NAXD: variants seen among roughly 807,000 people sequenced by gnomAD.
NAXD encodes the protein ATP-dependent (S)-NAD(P)H-hydrate dehydratase.
In NAXD, 22 loss-of-function variants were observed where a neutral mutation model predicts 35.8. The ratio of observed to expected loss-of-function variants is 0.62; its 90% CI spans 0.44 to 0.88. The LOEUF (loss-of-function observed/expected upper bound fraction) is 0.88, where lower values mean the gene tolerates loss of function less well. NAXD is among the 40% of genes least tolerant of loss of function. The pLI, the probability that NAXD is intolerant of heterozygous loss-of-function variation, is 0.00. For synonymous variants in NAXD, 189 were observed against 177.6 expected (o/e 1.06, Z -0.51); for missense variants, 428 against 437.7 (o/e 0.98, Z 0.20).
At chr13:110,622,602 A>C (rs1886311449) in intron 2 of NAXD, among the ~76,000 whole-genome samples, 1 of 152,158 alleles carries the variant, frequency 6.6e-6, no homozygotes, top group South Asian at 2.1e-4. Flanking sequence ...CGTAGTGGGG[A>C]AATGAGCCTG....
chr13:110,626,564 G>A (rs1179387116), intron 4 of NAXD, among the ~76,000 whole-genome samples: 7 of 135,938 alleles, frequency 5.1e-5, no homozygotes, highest in Admixed American at 4.6e-4. Flanking sequence ...GGGGGCTGGG[G>A]TTGGGGGCAG....
At chr13:110,618,799 T>A (rs330544) in intron 1 of NAXD, among the ~76,000 whole-genome samples, 35,949 of 152,176 alleles carry the variant, frequency 0.24, 5,522 homozygotes, top group African/African-American at 0.44. Flanking sequence ...AAGCGTATCC[T>A]TGCCTGGACT....
chr13:110,624,872 C>T (rs1245091146), intron 3 of NAXD, among the ~76,000 whole-genome samples: 1 of 152,252 alleles, frequency 6.6e-6, no homozygotes, highest in East Asian at 1.9e-4. Flanking sequence ...CCTGCAGTTT[C>T]CCATGAGCTG....
rs539957839 is a variant in NAXD at position 110,638,408 on chromosome 13, C to T, written c.870C>T (p.Gly290=). Residue 290 remains glycine (G), a synonymous_variant, in exon 10 of 10, where the codon GGC becomes GGT. Coordinates refer to ENST00000680254, the MANE Select transcript of NAXD (RefSeq NM_001242882.2). The surrounding 1 kb of genome is among the most constrained non-coding windows in gnomAD (Gnocchi z 5.4). ...GCCCTCTCCTGGTGGCCGCGTTTGGCGCCTGCTCTCTCACCAGGCAGTGCA... is the reference window on the plus strand; with the variant it reads ...GCCCTCTCCTGGTGGCCGCGTTTGGTGCCTGCTCTCTCACCAGGCAGTGCA... ...GSSPLLVAAF[G]ACSLTRQCNH... is the part of the protein sequence containing the mutation. 1.5e-5 allele frequency: 25 copies of T among 1,613,704 alleles called. No individual in the cohort carries two copies. The highest frequency in any genetic ancestry group is 3.3e-4 in the Middle Eastern group (2 of 6,062).
intron 8 of NAXD, 134 bp from the exon 9 acceptor site, chr13:110,636,994 AG>A: frequency 1.0e-6 from 1 of 965,368 alleles, no homozygotes; most frequent in Non-Finnish European, 1.5e-6. Context: ...CGTAGCAGGC[AG>A]GATGTGAGTG....
At chr13:110,637,107 C>T in intron 8 of NAXD, 22 bp from the exon 9 acceptor site, 1 of 1,591,002 alleles carries the variant, frequency 6.3e-7, no homozygotes, top group Non-Finnish European at 8.5e-7. Flanking sequence ...CTGACACCTG[C>T]TCTCACTTCT....
chr13:110,622,014 A>G (rs755744429), intron 1 of NAXD, among the ~76,000 whole-genome samples: 1 of 151,890 alleles, frequency 6.6e-6, no homozygotes, highest in Non-Finnish European at 1.5e-5. Flanking sequence ...TGGGTGACAG[A>G]GTCAGAGTTC....
chr13:110,621,329 T>A (rs2139630362), intron 1 of NAXD, among the ~76,000 whole-genome samples: 1 of 152,380 alleles, frequency 6.6e-6, no homozygotes, highest in Non-Finnish European at 1.5e-5. Context: ...ATTTTTTTAC[T>A]TGATAAAACT....
intron 1 of NAXD, 150 bp downstream of exon 1, chr13:110,615,797 T>G (rs1285262023): frequency 3.0e-6 from 4 of 1,313,742 alleles, no homozygotes; most frequent in Non-Finnish European, 2.9e-6. Flanking sequence ...TGACCGCCTC[T>G]GCTGGCTCGC....
chr13:110,638,230 C>T lies in NAXD; in HGVS notation c.840-148C>T. ...GGTGGTTTTCGCTGTGATAAACCTG[C>T]TTTCTCCTCAGGGGCATATCAGACT... On this transcript the variant is annotated intron_variant, in intron 9 of 9. Coordinates refer to ENST00000680254, the MANE Select transcript of NAXD (RefSeq NM_001242882.2). The surrounding 1 kb of genome is among the most constrained non-coding windows in gnomAD (Gnocchi z 5.4). 6.5e-7 allele frequency: 1 copy of T among 1,541,098 alleles called. No homozygotes were observed. The highest frequency in any genetic ancestry group is 8.7e-7 in the Non-Finnish European group (1 of 1,144,910).
chr13:110,619,513 C>T (rs1245311964), intron 1 of NAXD, among the ~76,000 whole-genome samples: 1 of 152,124 alleles, frequency 6.6e-6, no homozygotes, highest in Non-Finnish European at 1.5e-5. Context: ...TCTGTGATTT[C>T]ATAAGTCACA....
At chr13:110,618,295 G>C (rs1886133220) in intron 1 of NAXD, among the ~76,000 whole-genome samples, 1 of 152,114 alleles carries the variant, frequency 6.6e-6, no homozygotes, top group Non-Finnish European at 1.5e-5. Context: ...AGGGTTCTTA[G>C]ACCCAGCCCT....
In NAXD at chr13:110,615,634, G is replaced by C. The variant is rs1886016712; in HGVS notation, c.33G>C (p.Arg11=). 6.7e-7 allele frequency: 1 copy of C among 1,489,258 alleles called. No homozygotes were observed. Among genetic ancestry groups the C allele is most frequent in the South Asian group, 1.3e-5 (1 of 79,918 alleles). 92.3% of individuals were successfully genotyped at this position (1,489,258 alleles called of 1,614,324 possible). Residue 11 remains arginine (R), a synonymous_variant, in exon 1 of 10, where the codon CGG becomes CGC. Transcript: ENST00000680254. The stretch of plus-strand genomic sequence containing the variant: ...TGGGTCCTCGCTGTGGGGCAATCCG[G>C]GCTTGCAGACGAGGTAAGGTCGATT... MALGPRCGAI[R]ACRRVLERAF... is the part of the protein sequence containing the mutation.
rs1887011381 is a variant in NAXD, at chr13:110,638,250, C to T, written c.840-128C>T. ...ACCTGCTTTCTCCTCAGGGGCATAT[C>T]AGACTTGAAATTGACAATTTGGGGT... On this transcript the variant is annotated intron_variant, in intron 9 of 9. Coordinates refer to ENST00000680254, the MANE Select transcript of NAXD (RefSeq NM_001242882.2). This position sits in a 1 kb window ranked among gnomAD's most constrained non-coding sequence, Gnocchi z 5.4. 3 of 1,569,606 alleles carry T rather than the reference C, an allele frequency of 1.9e-6. No homozygotes were observed. The highest frequency in any genetic ancestry group is 2.6e-6 in the Non-Finnish European group (3 of 1,158,580).
At chr13:110,636,772 C>T (rs1287245552) in intron 8 of NAXD, among the ~76,000 whole-genome samples, 3 of 152,202 alleles carry the variant, frequency 2.0e-5, no homozygotes, top group Non-Finnish European at 4.4e-5. Context: ...GGGCTCCGTC[C>T]CTGGGAGCTG....
At chr13:110,632,354 A>C (rs1206852241) in intron 5 of NAXD, among the ~76,000 whole-genome samples, 1 of 152,214 alleles carries the variant, frequency 6.6e-6, no homozygotes, top group Non-Finnish European at 1.5e-5. Flanking sequence ...GAGCAGTAGC[A>C]AGATTTATTG....
chr13:110,618,348 C>A (rs1312479500), intron 1 of NAXD, among the ~76,000 whole-genome samples: 2 of 152,108 alleles, frequency 1.3e-5, no homozygotes, highest in Non-Finnish European at 2.9e-5. Context: ...CTCACAAAGT[C>A]TTAAGATTTC....
Position 110,637,228 on chromosome 13 carries a change from C to T in NAXD, c.818C>T (p.Ala273Val), listed in dbSNP as rs909906346. The T allele has an allele frequency of 1.2e-6, 2 of 1,614,074 alleles. No homozygotes were observed. The highest frequency in any genetic ancestry group is 2.2e-5 in the East Asian group (1 of 44,894). ...LGVLVHWALLAGPQKTNGSSP... is the reference protein window; with the variant it reads ...LGVLVHWALLVGPQKTNGSSP... ...GTCCTGGTACACTGGGCGCTCCTTGCTGGACCACAGAAAACAAATGGGTAA... is the reference window on the plus strand; with the variant it reads ...GTCCTGGTACACTGGGCGCTCCTTGTTGGACCACAGAAAACAAATGGGTAA... Residue 273 changes from alanine (A) to valine (V), a missense_variant, in exon 9 of 10, where the codon GCT (alanine) becomes GTT (valine). Coordinates refer to ENST00000680254, the MANE Select transcript of NAXD (RefSeq NM_001242882.2).
chr13:110,617,013 T>G (rs1886085880), intron 1 of NAXD, among the ~76,000 whole-genome samples: 1 of 152,218 alleles, frequency 6.6e-6, no homozygotes, highest in Admixed American at 6.5e-5. Flanking sequence ...TAGAGATTTA[T>G]TTGTAGCTCT....
Sources: allele counts gnomAD v4.1 joint callset (sites outside exome capture counted in the v4.1 genomes callset), GRCh38; gene constraint gnomAD v4.1.1; non-coding constraint Gnocchi (gnomAD v3.1); transcripts MANE v1.5; gene names NCBI Gene and HGNC (gene_info 2026-07-23, HGNC 2026-07-21).